The following ASCC3 variants were observed in gnomAD, a reference collection of about 807,000 sequenced individuals.
The protein encoded by ASCC3 is activating signal cointegrator 1 complex subunit 3, also known as ASC-1 complex subunit P200.
A neutral mutation model predicts 256.3 loss-of-function variants in ASCC3; 158 were observed. That is an observed-to-expected ratio of 0.62 (90% CI 0.54 to 0.70). The LOEUF (loss-of-function observed/expected upper bound fraction) is 0.70, where lower values mean the gene tolerates loss of function less well. Among genes scored for constraint, ASCC3 ranks in the 30% least tolerant of loss-of-function variants. The probability of loss-of-function intolerance (pLI) is 0.00; values close to 1 mark genes in which losing one functional copy is unlikely to be tolerated. For missense variants in ASCC3, 2,259 were observed against 2,626.0 expected, an observed-to-expected ratio of 0.86 and a Z score of 3.05; for synonymous variants, 948 against 883.4, an observed-to-expected ratio of 1.07 and a Z score of -1.30.
intron 14 of ASCC3, among the ~76,000 whole-genome samples, chr6:100,664,022 T>C (rs911231931): frequency 3.3e-5 from 5 of 152,130 alleles, no homozygotes; most frequent in Non-Finnish European, 5.9e-5. Context: ...ATGTCACCTG[T>C]GTAAGTGCTG....
At chr6:100,859,994 T>G (rs887247498) in intron 3 of ASCC3, among the ~76,000 whole-genome samples, 1 of 151,974 alleles carries the variant, frequency 6.6e-6, no homozygotes, top group Admixed American at 6.6e-5. Flanking sequence ...TAGGGAATGG[T>G]AAGGTCTTTC....
At chr6:100,635,813 C>G in intron 25 of ASCC3, among the ~76,000 whole-genome samples, 1 of 152,000 alleles carries the variant, frequency 6.6e-6, no homozygotes, top group Middle Eastern at 3.4e-3. Context: ...TAAATAATAT[C>G]ATGGCCATTT....
intron 13 of ASCC3, among the ~76,000 whole-genome samples, chr6:100,707,460 G>A (rs190497796): frequency 6.6e-6 from 1 of 152,026 alleles, no homozygotes; most frequent in African/African-American, 2.4e-5. Context: ...ACCTCTGGTA[G>A]TGGAATTACC....
intron 8 of ASCC3, among the ~76,000 whole-genome samples, chr6:100,773,287 G>A (rs547805596): frequency 2.7e-4 from 41 of 152,036 alleles, no homozygotes; most frequent in African/African-American, 8.9e-4. Context: ...ATTTTTATAC[G>A]AGGTTTCCTA....
At position 100,509,406 on chromosome 6, in the gene ASCC3, T is replaced by C. The variant is rs554993990; in HGVS notation, c.6589A>G (p.Thr2197Ala). The change falls in exon 42 of 42, where the codon ACT becomes GCT. Residue 2197 changes from threonine to alanine, a missense_variant. Thr to Ala is a moderately conservative substitution (Grantham distance 58, BLOSUM62 0). Coordinates refer to ENST00000369162, the MANE Select transcript of ASCC3 (RefSeq NM_006828.4). ...QVNTKVSDSL[T>A]DLALK ...TCAAGTTACTTTAATGCCAGGTCAGTCAGGGAATCAGAGACCTTGGTGTTG... is the reference window on the plus strand; with the variant it reads ...TCAAGTTACTTTAATGCCAGGTCAGCCAGGGAATCAGAGACCTTGGTGTTG... 1.9e-6 allele frequency: 3 copies of C among 1,614,160 alleles called. No homozygotes were observed. Among genetic ancestry groups the C allele is most frequent in the Non-Finnish European group, 2.5e-6 (3 of 1,180,022 alleles).
In ASCC3 at chr6:100,800,497, A is replaced by G; in HGVS notation, c.930T>C (p.Cys310=). ...TAGCATTTTCTCCTAAAATTTTTTT[A>G]CAATTGTCTAAGAAGCAAATTTAAG... ...DHRFQALQDN[C]KKILGENAKP... Residue 310 remains cysteine (C), a synonymous_variant, in exon 6 of 42, where the codon TGT becomes TGC. Transcript: ENST00000369162. 1 of 1,605,532 alleles carries G rather than the reference A, an allele frequency of 6.2e-7. No homozygotes were observed. The highest frequency in any genetic ancestry group is 8.5e-7 in the Non-Finnish European group (1 of 1,174,890).
chr6:100,611,160 C>G (rs1025772806), intron 30 of ASCC3, among the ~76,000 whole-genome samples: 1 of 152,104 alleles, frequency 6.6e-6, no homozygotes, highest in Non-Finnish European at 1.5e-5. Flanking sequence ...ACCCCACTTT[C>G]ACATAAATCA....
rs35229827 is a variant in ASCC3 at position 100,632,182 on chromosome 6, T to TAAA, written c.4123-972_4123-970dup. Among the ~76,000 whole-genome samples, 107 of 101,922 alleles carry TAAA rather than the reference T, an allele frequency of 1.0e-3. 1 individual carries two copies. Among genetic ancestry groups the TAAA allele is most frequent in the African/African-American group, 1.5e-3 (39 of 26,622 alleles). The allele number at this position is 101,922 out of a possible 152,430, so 66.9% of individuals were successfully genotyped here. The stretch of plus-strand genomic sequence containing the variant: ...GAATATATACTGTTAGCAAACTATC[T>TAAA]AAAAAAAAAAAAAAAAAAAAGAAGA... On this transcript the variant is annotated intron_variant, in intron 25 of 41. Coordinates refer to ENST00000369162, the MANE Select transcript of ASCC3 (RefSeq NM_006828.4).
intron 24 of ASCC3, 86 bp downstream of exon 24, chr6:100,642,493 CTT>C: frequency 6.5e-6 from 9 of 1,376,608 alleles, no homozygotes; most frequent in East Asian, 2.3e-5. Flanking sequence ...ACAAGTAAAA[CTT>C]TATTACGGTG....
chr6:100,652,907 T>C lies in ASCC3; in HGVS notation c.2824-18A>G, dbSNP rs9399641. 0.42 allele frequency: 676,723 copies of C among 1,609,504 alleles called. 149,507 individuals carry two copies. The highest frequency in any genetic ancestry group is 0.46 in the Non-Finnish European group (538,446 of 1,176,242). On this transcript the variant is annotated intron_variant, in intron 17 of 41. Transcript: ENST00000369162. ...GGGTCAATCTATGGCAAAAAATATA[T>C]AAACAGTTGAATAGTGCTTTAGAGA...
intron 10 of ASCC3, among the ~76,000 whole-genome samples, chr6:100,763,611 G>C (rs568500171): frequency 6.6e-6 from 1 of 152,212 alleles, no homozygotes; most frequent in East Asian, 1.9e-4. Flanking sequence ...TAGACAACAA[G>C]GGAATGTAAG....
At chr6:100,530,205 A>G in intron 37 of ASCC3, 1 of 700,640 alleles carries the variant, frequency 1.4e-6, no homozygotes, top group Non-Finnish European at 2.6e-6. Flanking sequence ...TTTTTCTTGT[A>G]GTCTTTAAGA....
At chr6:100,584,059 T>C (rs540654422) in intron 36 of ASCC3, among the ~76,000 whole-genome samples, 1 of 151,830 alleles carries the variant, frequency 6.6e-6, no homozygotes, top group East Asian at 1.9e-4. Flanking sequence ...AAAATGTATA[T>C]TCTGTTGATT....
rs1491452500 is a variant in ASCC3, at chr6:100,608,058, A to ATGTATATAT, written c.4786-971_4786-970insATATATACA. On this transcript the variant is annotated intron_variant, in intron 30 of 41. Transcript: ENST00000369162. ...TATATATACATACATATACATATAT[A>ATGTATATAT]CACATATATATACATATATATGTAT... Among the ~76,000 whole-genome samples, 239 of 116,754 alleles carry ATGTATATAT rather than the reference A, an allele frequency of 2.0e-3. 2 individuals carry two copies. The highest frequency in any genetic ancestry group is 7.4e-3 in the Middle Eastern group (1 of 136). 76.6% of individuals were successfully genotyped at this position (116,754 alleles called of 152,430 possible). A position where few individuals can be genotyped will look rare whatever the true frequency, so the allele number is the denominator to read the frequency against.
At chr6:100,712,497 C>G (rs1014945427) in intron 13 of ASCC3, among the ~76,000 whole-genome samples, 2 of 152,040 alleles carry the variant, frequency 1.3e-5, no homozygotes, top group African/African-American at 2.4e-5. Flanking sequence ...GGGCAAATGT[C>G]AAGCATATGA....
chr6:100,846,820 T>G lies in ASCC3; in HGVS notation c.801+1328A>C, dbSNP rs1772407497. 2.6e-5 allele frequency among the ~76,000 whole-genome samples: 4 copies of G among 152,190 alleles called. No individual in the cohort carries two copies. The South Asian group carries it at 8.3e-4, about 32-fold the overall frequency. ...ATAAAATCTATGACTTGTTCTTTTA[T>G]GCACCCATTTTCTTTGCATGTAGTA... On this transcript the variant is annotated intron_variant, in intron 4 of 41. Transcript: ENST00000369162.
chr6:100,728,669 C>T (rs1779751327), intron 10 of ASCC3, among the ~76,000 whole-genome samples: 1 of 151,804 alleles, frequency 6.6e-6, no homozygotes, highest in South Asian at 2.1e-4. Context: ...ACATGCTATA[C>T]AATAAAAATA....
chr6:100,812,576 C>T (rs556183948), intron 4 of ASCC3, among the ~76,000 whole-genome samples: 3 of 151,868 alleles, frequency 2.0e-5, no homozygotes, highest in Non-Finnish European at 4.4e-5. Flanking sequence ...ATAGTAGAGT[C>T]AAACTGTCAG....
Position 100,561,055 on chromosome 6 carries a change from T to G in ASCC3, c.5551-20668A>C, listed in dbSNP as rs969600415. Reference sequence around the variant, plus strand: ...GCAACCAACCACTTGTTTTATAAAATAAGACTCAGTGGCTTAACTTTACTG... The same window carrying G: ...GCAACCAACCACTTGTTTTATAAAAGAAGACTCAGTGGCTTAACTTTACTG... On this transcript the variant is annotated intron_variant, in intron 36 of 41. Coordinates refer to ENST00000369162, the MANE Select transcript of ASCC3 (RefSeq NM_006828.4). Among the ~76,000 whole-genome samples the G allele has an allele frequency of 2.0e-5, 3 of 151,318 alleles. No homozygotes were observed. The East Asian group carries it at 5.8e-4, about 29-fold the overall frequency.
Sources: gnomAD v4.1 joint callset for allele counts (sites outside exome capture counted in the v4.1 genomes callset) on GRCh38, gnomAD v4.1.1 for gene constraint, MANE v1.5 for transcripts, NCBI Gene and HGNC (gene_info 2026-07-23, HGNC 2026-07-21) for gene names.